The following KIF26B variants were observed in gnomAD, a reference collection of about 807,000 sequenced individuals.
KIF26B encodes kinesin family member 26B, also known as kinesin-like protein KIF26B.
A neutral mutation model predicts 151.2 loss-of-function variants in KIF26B; 63 were observed. That is an observed-to-expected ratio of 0.42 (90% CI 0.34 to 0.51). The LOEUF (loss-of-function observed/expected upper bound fraction) is 0.51, where lower values mean the gene tolerates loss of function less well. Ranked by LOEUF, KIF26B falls within the 20% of genes least tolerant of loss-of-function variation. The probability of loss-of-function intolerance (pLI) is 0.07; values close to 1 mark genes in which losing one functional copy is unlikely to be tolerated. For synonymous variants in KIF26B, 1,357 were observed against 1,262.1 expected, an observed-to-expected ratio of 1.08 and a Z score of -1.59; for missense variants, 2,813 against 2,913.6, an observed-to-expected ratio of 0.97 and a Z score of 0.79.
intron 2 of KIF26B, among the ~76,000 whole-genome samples, chr1:245,291,951 T>G (rs1213503954): frequency 6.6e-6 from 1 of 152,172 alleles, no homozygotes. Context: ...AGACCGGGTC[T>G]CCTGGGGCTG....
intron 4 of KIF26B, among the ~76,000 whole-genome samples, chr1:245,537,394 G>A (rs1034966832): frequency 1.3e-5 from 2 of 152,184 alleles, no homozygotes; most frequent in Admixed American, 1.3e-4. Flanking sequence ...AAGTACTTTG[G>A]CTTTTACTCT....
At chr1:245,413,664 A>AAAAT (rs1178930364) in intron 3 of KIF26B, among the ~76,000 whole-genome samples, 1 of 152,200 alleles carries the variant, frequency 6.6e-6, no homozygotes, top group Non-Finnish European at 1.5e-5. Flanking sequence ...CTCCATCTCA[A>AAAAT]AAATAAATAA....
chr1:245,246,783 C>T (rs1372493885), intron 2 of KIF26B, among the ~76,000 whole-genome samples: 1 of 151,894 alleles, frequency 6.6e-6, no homozygotes, highest in African/African-American at 2.4e-5. Flanking sequence ...GGAATTCCAG[C>T]GTATGCAGAG....
At chr1:245,482,310 G>C (rs775999522) in intron 4 of KIF26B, among the ~76,000 whole-genome samples, 1 of 151,398 alleles carries the variant, frequency 6.6e-6, no homozygotes, top group African/African-American at 2.4e-5. Context: ...AGGTGGTCTC[G>C]AACTCCTGAC....
chr1:245,571,217 G>A (rs540903766), intron 5 of KIF26B, among the ~76,000 whole-genome samples: 1 of 152,316 alleles, frequency 6.6e-6, no homozygotes, highest in South Asian at 2.1e-4. Context: ...GGTCCTATGG[G>A]AGTTGCGTTG....
rs567859485 is a variant in KIF26B at position 245,508,827 on chromosome 1, G to C, written c.1167-31940G>C. On this transcript the variant is annotated intron_variant, in intron 4 of 14. Coordinates refer to ENST00000407071, the MANE Select transcript of KIF26B (RefSeq NM_018012.4). ...TCTGCAATGCTGCACCTTGTACTGA[G>C]TTCACCTCAGTCTGGTACTTTCTTT... Among the ~76,000 whole-genome samples, 4 of 152,300 alleles carry C rather than the reference G, an allele frequency of 2.6e-5. No homozygotes were observed. The South Asian group carries it at 8.3e-4, about 32-fold the overall frequency.
At chr1:245,253,033 G>A (rs1289322472) in intron 2 of KIF26B, among the ~76,000 whole-genome samples, 17 of 141,938 alleles carry the variant, frequency 1.2e-4, no homozygotes, top group South Asian at 1.1e-3. Flanking sequence ...TTTTTGAGAC[G>A]GAGTCTTGCT....
intron 4 of KIF26B, among the ~76,000 whole-genome samples, chr1:245,528,151 G>A (rs1378685130): frequency 6.6e-6 from 1 of 152,136 alleles, no homozygotes; most frequent in African/African-American, 2.4e-5. Context: ...GCCGAGGCTT[G>A]CAAGTGGATG....
chr1:245,262,161 C>T (rs1392504017), intron 2 of KIF26B, among the ~76,000 whole-genome samples: 1 of 152,136 alleles, frequency 6.6e-6, no homozygotes, highest in Non-Finnish European at 1.5e-5. Context: ...GATATATACA[C>T]CGAAATACAC....
At chr1:245,651,055 G>A (rs1258746838) in intron 10 of KIF26B, among the ~76,000 whole-genome samples, 1 of 152,156 alleles carries the variant, frequency 6.6e-6, no homozygotes, top group African/African-American at 2.4e-5. Flanking sequence ...CCAAGCTGCA[G>A]GCCACGAGCA....
intron 4 of KIF26B, among the ~76,000 whole-genome samples, chr1:245,490,521 T>C (rs1034014075): frequency 4.0e-5 from 6 of 151,892 alleles, no homozygotes; most frequent in African/African-American, 1.2e-4. Context: ...CCATGTTGGC[T>C]GGGATGGTCT....
intron 4 of KIF26B, among the ~76,000 whole-genome samples, chr1:245,484,528 A>C (rs1660233561): frequency 1.3e-5 from 2 of 151,788 alleles, no homozygotes; most frequent in Admixed American, 1.3e-4. Flanking sequence ...TCTGGGATGG[A>C]TTCCTCTCTG....
At chr1:245,625,398 T>G (rs1572165752) in intron 9 of KIF26B, among the ~76,000 whole-genome samples, 1 of 152,230 alleles carries the variant, frequency 6.6e-6, no homozygotes, top group African/African-American at 2.4e-5. Flanking sequence ...TATTGAGTGT[T>G]CTGACCCAGG....
Position 245,564,628 on chromosome 1 carries a change from T to TTGTA in KIF26B, c.1350+23678_1350+23679insTGTA, listed in dbSNP as rs2042990051. The stretch of plus-strand genomic sequence containing the variant: ...AAACTCAAGGTGTATACATGTCACC[T>TTGTA]CCCAGCACAGCAAATGGCACAGACT... On this transcript the variant is annotated intron_variant, in intron 5 of 14. Coordinates refer to ENST00000407071, the MANE Select transcript of KIF26B (RefSeq NM_018012.4). The surrounding 1 kb of genome is among the most constrained non-coding windows in gnomAD (Gnocchi z 4.6). Among the ~76,000 whole-genome samples, 1 of 152,104 alleles carries TTGTA rather than the reference T, an allele frequency of 6.6e-6. No homozygotes were observed. Among genetic ancestry groups the TTGTA allele is most frequent in the Non-Finnish European group, 1.5e-5 (1 of 68,032 alleles).
At chr1:245,290,465 T>A (rs139056054) in intron 2 of KIF26B, among the ~76,000 whole-genome samples, 5 of 152,210 alleles carry the variant, frequency 3.3e-5, no homozygotes, top group Non-Finnish European at 7.3e-5. Flanking sequence ...TTTCATGATA[T>A]GCTAAACAAG....
intron 3 of KIF26B, among the ~76,000 whole-genome samples, chr1:245,418,635 G>A (rs761467196): frequency 7.2e-5 from 11 of 152,056 alleles, no homozygotes; most frequent in African/African-American, 2.4e-4. Context: ...AGCATTTAAG[G>A]GTTTGAATAG....
rs2044531859 is a variant in KIF26B at position 245,686,820 on chromosome 1, C to T, written c.3837C>T (p.Ser1279=). ...CAGGGAGCAGACGCTCTTCCATCAGCTCCTGGCTGAGCGAGATGAGCGCGG... is the reference window on the plus strand; with the variant it reads ...CAGGGAGCAGACGCTCTTCCATCAGTTCCTGGCTGAGCGAGATGAGCGCGG... The part of the protein sequence containing the change: ...QDAGSRRSSI[S]SWLSEMSAGS... Residue 1279 remains serine (S), a synonymous_variant, in exon 12 of 15, where the codon AGC becomes AGT. Transcript: ENST00000407071. This position sits in a 1 kb window ranked among gnomAD's most constrained non-coding sequence, Gnocchi z 5.6. 2 of 1,613,628 alleles carry T rather than the reference C, an allele frequency of 1.2e-6. No homozygotes were observed. The highest frequency in any genetic ancestry group is 1.7e-6 in the Non-Finnish European group (2 of 1,179,828).
Position 245,399,593 on chromosome 1 carries a change from A to G in KIF26B, c.1000-19986A>G, listed in dbSNP as rs555610856. ...CAAGACAACACACTCTTCTGAATCT[A>G]GAAACAGAAATACCTTTACATTTAC... On this transcript the variant is annotated intron_variant, in intron 3 of 14. Coordinates refer to ENST00000407071, the MANE Select transcript of KIF26B (RefSeq NM_018012.4). Among the ~76,000 whole-genome samples, 14 of 152,362 alleles carry G rather than the reference A, an allele frequency of 9.2e-5. No homozygotes were observed. The South Asian group carries it at 1.4e-3, about 16-fold the overall frequency.
intron 2 of KIF26B, among the ~76,000 whole-genome samples, chr1:245,355,072 C>A (rs1366391124): frequency 6.6e-6 from 1 of 152,122 alleles, no homozygotes; most frequent in Non-Finnish European, 1.5e-5. Flanking sequence ...AGGCACCCAC[C>A]ACCACACCTG....
Sources: allele counts gnomAD v4.1 joint callset (sites outside exome capture counted in the v4.1 genomes callset), GRCh38; gene constraint gnomAD v4.1.1; non-coding constraint Gnocchi (gnomAD v3.1); transcripts MANE v1.5; gene names NCBI Gene and HGNC (gene_info 2026-07-23, HGNC 2026-07-21).